The following RILPL1 variants were observed in gnomAD, a reference collection of about 807,000 sequenced individuals.
The protein encoded by RILPL1 is Rab interacting lysosomal protein like 1, also known as RILP-like protein 1.
A neutral mutation model predicts 50.3 loss-of-function variants in RILPL1; 33 were observed. That is an observed-to-expected ratio of 0.66 (90% CI 0.50 to 0.88). The LOEUF is 0.88. Among genes scored for constraint, RILPL1 ranks in the 40% least tolerant of loss-of-function variants. RILPL1 has a pLI of 0.00. For synonymous variants in RILPL1, 205 were observed against 228.6 expected, an observed-to-expected ratio of 0.90 and a Z score of 0.93; for missense variants, 418 against 542.5, an observed-to-expected ratio of 0.77 and a Z score of 2.28.
chr12:123,477,621 C>T (rs890740077), intron 6 of RILPL1, among the ~76,000 whole-genome samples: 4 of 152,032 alleles, frequency 2.6e-5, no homozygotes, highest in Admixed American at 1.3e-4. Context: ...TGAACCACCA[C>T]GCCTGGCCAG....
intron 4 of RILPL1, among the ~76,000 whole-genome samples, chr12:123,495,476 G>A (rs1206358321): frequency 6.7e-6 from 1 of 149,814 alleles, no homozygotes; most frequent in African/African-American, 2.5e-5. Flanking sequence ...CTGGGTTCAC[G>A]CCATTCTCCT....
intron 6 of RILPL1, among the ~76,000 whole-genome samples, chr12:123,482,109 T>C (rs2139313920): frequency 6.6e-6 from 1 of 152,126 alleles, no homozygotes; most frequent in African/African-American, 2.4e-5. Context: ...TCTGACCTCA[T>C]GATCCACCCA....
chr12:123,497,775 C>T (rs1883120727), intron 4 of RILPL1, among the ~76,000 whole-genome samples: 2 of 152,028 alleles, frequency 1.3e-5, no homozygotes, highest in Non-Finnish European at 2.9e-5. Context: ...GAGCTCCTGG[C>T]CTCAAGTGAT....
In RILPL1 at chr12:123,484,239, T is replaced by C. The variant is rs760239549; in HGVS notation, c.1008A>G (p.Gln336=). Residue 336 remains glutamine, a synonymous_variant, in exon 6 of 7, where the codon CAA becomes CAG. Transcript: ENST00000376874. ...TCCTCGGGTGGGCGATGGGTGGGGG[T>C]TGGGGTATTCGGTTTTCCTCTTCCA... ...EEMEEENRIP[Q]PPPIAHPRTS... The C allele has an allele frequency of 6.2e-7, 1 of 1,609,482 alleles. No individual in the cohort carries two copies. The highest frequency in any genetic ancestry group is 2.2e-5 in the East Asian group (1 of 44,836).
At chr12:123,512,446 T>C (rs1884379863) in intron 2 of RILPL1, among the ~76,000 whole-genome samples, 1 of 138,052 alleles carries the variant, frequency 7.2e-6, no homozygotes, top group African/African-American at 2.8e-5. Flanking sequence ...GTGTGTGGTG[T>C]GTGAGGTCTG....
Position 123,485,568 on chromosome 12 carries a change from T to TA in RILPL1, c.974+64dup. ...CTTCCAGGGGGTAAGAAGGTAACTG[T>TA]ACAGAAACTCTGGCTAACCTCAGTA... On this transcript the variant is annotated intron_variant, in intron 5 of 6. Transcript: ENST00000376874. This position sits in a 1 kb window ranked among gnomAD's most constrained non-coding sequence, Gnocchi z 4.0. The TA allele has an allele frequency of 6.7e-7, 1 of 1,482,328 alleles. No homozygotes were observed. Among genetic ancestry groups the TA allele is most frequent in the Non-Finnish European group, 9.3e-7 (1 of 1,079,078 alleles). The allele number at this position is 1,482,328 out of a possible 1,614,324, so 91.8% of individuals were successfully genotyped here.
intron 2 of RILPL1, among the ~76,000 whole-genome samples, chr12:123,504,000 CAA>C (rs552223986): frequency 0.23 from 24,313 of 104,374 alleles, 2,016 homozygotes; most frequent in Middle Eastern, 0.31. Flanking sequence ...GACTCTATCT[CAA>C]AAAAAAAAAA....
At position 123,498,600 on chromosome 12, in the gene RILPL1, T is replaced by C; in HGVS notation, c.745A>G (p.Lys249Glu). 1 of 1,613,676 alleles carries C rather than the reference T, an allele frequency of 6.2e-7. No homozygotes were observed. Among genetic ancestry groups the C allele is most frequent in the East Asian group, 2.2e-5 (1 of 44,872 alleles). The change falls in exon 4 of 7, where the codon AAG becomes GAG. Residue 249 changes from lysine to glutamate, a missense_variant. Transcript: ENST00000376874. The surrounding 1 kb of genome is among the most constrained non-coding windows in gnomAD (Gnocchi z 4.3). ...EMGSLRAELG[K>E]LRERLQGEHS... is the part of the protein sequence containing the mutation. The stretch of plus-strand genomic sequence containing the variant: ...TCCCCCTGCAGCCTCTCTCGCAACT[T>C]CCCCAGCTCTGCTCGCAGGCTGCCC...
intron 1 of RILPL1, among the ~76,000 whole-genome samples, chr12:123,528,083 CTGGCCAGGCA>C (rs1206897579): frequency 6.6e-6 from 1 of 152,072 alleles, no homozygotes; most frequent in East Asian, 1.9e-4. Context: ...CAATACATTT[CTGGCCAGGCA>C]TGGTGGGTCA....
chr12:123,485,737 G>T lies in RILPL1; in HGVS notation c.870C>A (p.Asn290Lys). Reference sequence around the variant, plus strand: ...GCTCCTGCAGGGTGAACCGGGGGCGGTTGGGGTCCTTGAGATCCATGGCCA... The same window carrying T: ...GCTCCTGCAGGGTGAACCGGGGGCGTTTGGGGTCCTTGAGATCCATGGCCA... ...EKVAMDLKDP[N>K]RPRFTLQELR... The change falls in exon 5 of 7, where the codon AAC (asparagine) becomes AAA (lysine). Residue 290 changes from asparagine (N) to lysine (K), a missense_variant. Asn to Lys is a moderately conservative substitution (Grantham distance 94). Transcript: ENST00000376874. This position sits in a 1 kb window ranked among gnomAD's most constrained non-coding sequence, Gnocchi z 4.0. The T allele has an allele frequency of 6.2e-7, 1 of 1,613,178 alleles. No homozygotes were observed. The highest frequency in any genetic ancestry group is 8.5e-7 in the Non-Finnish European group (1 of 1,179,562).
Position 123,523,583 on chromosome 12 carries a change from G to C in RILPL1, c.372C>G (p.Ala124=), listed in dbSNP as rs1885147587. 1 of 1,613,872 alleles carries C rather than the reference G, an allele frequency of 6.2e-7. No homozygotes were observed. Among genetic ancestry groups the C allele is most frequent in the African/African-American group, 1.3e-5 (1 of 74,934 alleles). Residue 124 remains alanine, a synonymous_variant, in exon 2 of 7, where the codon GCC becomes GCG. Transcript: ENST00000376874. ...GCTGCTTGTTCTCCTCCTGCAGCTG[G>C]GCGATCTGGGAGAGGAGGTCCTGCG... ...GEAQDLLSQI[A]QLQEENKQLM...
intron 6 of RILPL1, among the ~76,000 whole-genome samples, chr12:123,476,951 C>A (rs1321279845): frequency 6.6e-6 from 1 of 152,092 alleles, no homozygotes; most frequent in African/African-American, 2.4e-5. Context: ...GGCAAGGGGG[C>A]CTTTCAGTGT....
intron 1 of RILPL1, among the ~76,000 whole-genome samples, chr12:123,524,496 C>G (rs1382225379): frequency 6.6e-6 from 1 of 152,100 alleles, no homozygotes; most frequent in Non-Finnish European, 1.5e-5. Flanking sequence ...GAATGTTCCT[C>G]GCAGCATTAT....
chr12:123,486,360 C>T (rs1882334795), intron 4 of RILPL1, among the ~76,000 whole-genome samples: 1 of 152,164 alleles, frequency 6.6e-6, no homozygotes, highest in Non-Finnish European at 1.5e-5. Flanking sequence ...CGGGGGTGCA[C>T]ACTCGGCCAT....
chr12:123,516,688 A>T (rs908643361), intron 2 of RILPL1, among the ~76,000 whole-genome samples: 1 of 152,152 alleles, frequency 6.6e-6, no homozygotes, highest in Non-Finnish European at 1.5e-5. Flanking sequence ...GTATTTGCAG[A>T]TGTAATTAGT....
At chr12:123,531,012 A>C (rs1208822310) in intron 1 of RILPL1, among the ~76,000 whole-genome samples, 1 of 98,236 alleles carries the variant, frequency 1.0e-5, no homozygotes, top group Non-Finnish European at 2.4e-5. Flanking sequence ...GTAGGGAAGA[A>C]GAGGGGAAAG....
In RILPL1 at chr12:123,489,460, C is replaced by T. The variant is rs997351687; in HGVS notation, c.802-3655G>A. 1.3e-5 allele frequency among the ~76,000 whole-genome samples: 2 copies of T among 151,984 alleles called. No individual in the cohort carries two copies. The highest frequency in any genetic ancestry group is 2.9e-5 in the Non-Finnish European group (2 of 68,008). On this transcript the variant is annotated intron_variant, in intron 4 of 6. Transcript: ENST00000376874. The surrounding 1 kb of genome is among the most constrained non-coding windows in gnomAD (Gnocchi z 4.0). Reference sequence around the variant, plus strand: ...TGGGTGGATCACGAAGTCAGGAGATCGAGACCAGCCTGGCCAACATGGTGA... The same window carrying T: ...TGGGTGGATCACGAAGTCAGGAGATTGAGACCAGCCTGGCCAACATGGTGA...
chr12:123,518,370 GGT>G (rs1884828660), intron 2 of RILPL1: 27 of 422,358 alleles, frequency 6.4e-5, no homozygotes, highest in Non-Finnish European at 9.9e-5. Flanking sequence ...AGCCAGGCGT[GGT>G]GGTGCACACC....
At chr12:123,505,364 C>T in intron 2 of RILPL1, among the ~76,000 whole-genome samples, 1 of 152,186 alleles carries the variant, frequency 6.6e-6, no homozygotes, top group South Asian at 2.1e-4. Context: ...TGCTTTGTCA[C>T]CTAGGCTAAA....
Sources: allele counts gnomAD v4.1 joint callset (sites outside exome capture counted in the v4.1 genomes callset), GRCh38; gene constraint gnomAD v4.1.1; non-coding constraint Gnocchi (gnomAD v3.1); transcripts MANE v1.5; gene names NCBI Gene and HGNC (gene_info 2026-07-23, HGNC 2026-07-21).